NCALD: variants seen among roughly 807,000 people sequenced by gnomAD.
NCALD encodes the protein neurocalcin delta.
Under a neutral mutation model 18.6 loss-of-function variants are expected in NCALD, and 10 were observed. The observed-to-expected ratio is 0.54, with a 90% CI of 0.33 to 0.91. The LOEUF is 0.91. Among genes scored for constraint, NCALD ranks in the 40% least tolerant of loss-of-function variants. The pLI is 0.03. For synonymous variants in NCALD, 88 were observed against 87.4 expected (o/e 1.01, Z -0.04); for missense variants, 184 against 247.6 (o/e 0.74, Z 1.72).
chr8:102,117,310 T>A (rs1825818538), intron 1 of NCALD, among the ~76,000 whole-genome samples: 1 of 152,246 alleles, frequency 6.6e-6, no homozygotes, highest in Non-Finnish European at 1.5e-5. Context: ...CCATTCCGTG[T>A]TCACAGTAGG....
At chr8:101,755,103 T>C (rs1345243772) in intron 1 of NCALD, among the ~76,000 whole-genome samples, 1 of 152,242 alleles carries the variant, frequency 6.6e-6, no homozygotes, top group Non-Finnish European at 1.5e-5. Flanking sequence ...GTCTCATCTC[T>C]GCAACTAGAC....
intron 1 of NCALD, among the ~76,000 whole-genome samples, chr8:101,771,326 C>T (rs1338777511): frequency 6.6e-6 from 1 of 152,194 alleles, no homozygotes; most frequent in Non-Finnish European, 1.5e-5. Context: ...CCACAAAATG[C>T]ATCATTCCTA....
At chr8:102,005,005 G>T (rs1318477977) in intron 2 of NCALD, among the ~76,000 whole-genome samples, 1 of 152,202 alleles carries the variant, frequency 6.6e-6, no homozygotes, top group Non-Finnish European at 1.5e-5. Context: ...AAAAGCAATG[G>T]CAGCAAAAGC....
At chr8:102,095,374 T>C (rs1485714914) in intron 1 of NCALD, among the ~76,000 whole-genome samples, 1 of 152,158 alleles carries the variant, frequency 6.6e-6, no homozygotes, top group African/African-American at 2.4e-5. Context: ...GGAGCCCTCA[T>C]TACTTGATCT....
intron 2 of NCALD, among the ~76,000 whole-genome samples, chr8:101,705,017 A>G (rs1815443500): frequency 6.6e-6 from 1 of 151,916 alleles, no homozygotes; most frequent in Non-Finnish European, 1.5e-5. Flanking sequence ...CAAGGTTAGG[A>G]GTTCGAGACG....
At position 101,689,457 on chromosome 8, in the gene NCALD, T is replaced by G. The variant is rs1179995428; in HGVS notation, c.485-51A>C. ...GGTGGCTGGTGGCAGCTGCATGAGC[T>G]TACACCCTTCCCACTACTGCGTGCT... On this transcript the variant is annotated intron_variant, in intron 3 of 3. Transcript: ENST00000220931. The surrounding 1 kb of genome is among the most constrained non-coding windows in gnomAD (Gnocchi z 4.4). The G allele has an allele frequency of 7.1e-7, 1 of 1,417,788 alleles. No individual in the cohort carries two copies. Among genetic ancestry groups the G allele is most frequent in the South Asian group, 1.2e-5 (1 of 81,234 alleles). The allele number at this position is 1,417,788 out of a possible 1,614,324, so 87.8% of individuals were successfully genotyped here.
chr8:101,833,190 T>C (rs1307236740), intron 4 of NCALD, among the ~76,000 whole-genome samples: 1 of 152,190 alleles, frequency 6.6e-6, no homozygotes, highest in African/African-American at 2.4e-5. Flanking sequence ...TTTTAATGTG[T>C]ACACAGATCA....
chr8:101,896,202 G>A (rs201298552), intron 3 of NCALD, among the ~76,000 whole-genome samples: 5 of 151,926 alleles, frequency 3.3e-5, no homozygotes, highest in East Asian at 1.9e-4. Flanking sequence ...GGCCTCAGAA[G>A]TAATGCCACA....
chr8:102,052,338 C>G (rs1823484587), intron 1 of NCALD, among the ~76,000 whole-genome samples: 1 of 152,172 alleles, frequency 6.6e-6, no homozygotes. Context: ...CACATTTTAT[C>G]TAATGCATTA....
chr8:101,689,035 A>C lies in NCALD; in HGVS notation c.*274T>G. 1 of 699,840 alleles carries C rather than the reference A, an allele frequency of 1.4e-6. No homozygotes were observed. The highest frequency in any genetic ancestry group is 2.6e-6 in the Non-Finnish European group (1 of 384,312). 43.4% of individuals were successfully genotyped at this position (699,840 alleles called of 1,614,324 possible). A position where few individuals can be genotyped will look rare whatever the true frequency, so the allele number is the denominator to read the frequency against. On this transcript the variant is annotated 3_prime_UTR_variant, in exon 4 of 4. Coordinates refer to ENST00000220931, the MANE Select transcript of NCALD (RefSeq NM_032041.3). The surrounding 1 kb of genome is among the most constrained non-coding windows in gnomAD (Gnocchi z 4.4). ...TTACGTTTTAGAACAGAGACATTAGAATAAAAAAAAATAATAGTAACGATT... is the reference window on the plus strand; with the variant it reads ...TTACGTTTTAGAACAGAGACATTAGCATAAAAAAAAATAATAGTAACGATT...
At chr8:101,726,242 G>A (rs1816568570) in intron 1 of NCALD, among the ~76,000 whole-genome samples, 1 of 152,116 alleles carries the variant, frequency 6.6e-6, no homozygotes, top group Non-Finnish European at 1.5e-5. Context: ...GCCAGTGTAG[G>A]GTTTTTATCA....
At chr8:101,995,325 T>C (rs1190857936) in intron 2 of NCALD, among the ~76,000 whole-genome samples, 1 of 152,242 alleles carries the variant, frequency 6.6e-6, no homozygotes. Context: ...ACCCGGACTC[T>C]ATACCTGCTC....
chr8:101,730,090 C>T (rs1435849480), intron 1 of NCALD, among the ~76,000 whole-genome samples: 5 of 152,124 alleles, frequency 3.3e-5, no homozygotes, highest in South Asian at 2.1e-4. Flanking sequence ...TTAAATCATA[C>T]GTATCCCCTT....
rs372446863 is a variant in NCALD at position 102,074,883 on chromosome 8, G to A, written c.-210+49354C>T. ...GTGACTTTTTAATCAATTTTGGGTG[G>A]GGCCATTATGATTCCATTCAGCTGG... is the stretch of plus-strand genomic sequence containing the variant. On this transcript the variant is annotated intron_variant, in intron 1 of 6. Transcript: ENST00000311028. Among the ~76,000 whole-genome samples, 7 of 152,004 alleles carry A rather than the reference G, an allele frequency of 4.6e-5. No homozygotes were observed. The East Asian group carries it at 1.2e-3, about 25-fold the overall frequency.
At chr8:101,725,629 C>T (rs1264367333) in intron 1 of NCALD, among the ~76,000 whole-genome samples, 3 of 152,178 alleles carry the variant, frequency 2.0e-5, no homozygotes, top group South Asian at 2.1e-4. Flanking sequence ...TTGTAACACA[C>T]CACTAGACAC....
intron 4 of NCALD, among the ~76,000 whole-genome samples, chr8:101,837,376 GA>G (rs1324031778): frequency 6.6e-6 from 1 of 152,134 alleles, no homozygotes; most frequent in African/African-American, 2.4e-5. Flanking sequence ...ATGTGACAAA[GA>G]CCACATAGGC....
At chr8:102,093,574 G>C (rs920315873) in intron 1 of NCALD, among the ~76,000 whole-genome samples, 3 of 152,202 alleles carry the variant, frequency 2.0e-5, no homozygotes, top group Non-Finnish European at 4.4e-5. Flanking sequence ...AGGAGGGATG[G>C]CCCTTTGCCT....
chr8:101,898,367 C>T (rs1817288306), intron 3 of NCALD, among the ~76,000 whole-genome samples: 1 of 152,012 alleles, frequency 6.6e-6, no homozygotes. Context: ...TTGCCCATTC[C>T]CTCATTGGAT....
chr8:101,886,200 T>A (rs1488553731), intron 4 of NCALD, among the ~76,000 whole-genome samples: 1 of 152,198 alleles, frequency 6.6e-6, no homozygotes, highest in Non-Finnish European at 1.5e-5. Flanking sequence ...TTTCACTTTC[T>A]TGTTACATCC....
Sources: gnomAD v4.1 joint callset for allele counts (sites outside exome capture counted in the v4.1 genomes callset) on GRCh38, gnomAD v4.1.1 for gene constraint, Gnocchi (gnomAD v3.1) non-coding constraint, MANE v1.5 for transcripts, NCBI Gene and HGNC (gene_info 2026-07-23, HGNC 2026-07-21) for gene names.